RALGPS1: variants seen among roughly 807,000 people sequenced by gnomAD.
RALGPS1 encodes the protein Ral GEF with PH domain and SH3 binding motif 1, also known as ras-specific guanine nucleotide-releasing factor RalGPS1.
RALGPS1 carries 19 observed loss-of-function variants against 78.8 expected under a neutral mutation model. The ratio of observed to expected loss-of-function variants is 0.24; its 90% CI spans 0.17 to 0.35. The LOEUF (loss-of-function observed/expected upper bound fraction) is 0.35. Among genes scored for constraint, RALGPS1 ranks in the 10% least tolerant of loss-of-function variants. The probability of loss-of-function intolerance (pLI) is 1.00; values close to 1 mark genes in which losing one functional copy is unlikely to be tolerated. For missense variants in RALGPS1, 454 were observed against 688.3 expected (o/e 0.66, Z 3.81); for synonymous variants, 228 against 256.3 (o/e 0.89, Z 1.06).
intron 7 of RALGPS1, among the ~76,000 whole-genome samples, chr9:127,055,777 C>G (rs560344349): frequency 1.1e-4 from 17 of 152,274 alleles, no homozygotes; most frequent in African/African-American, 4.1e-4. Flanking sequence ...AGAGAGGGGT[C>G]TTATTTTTTT....
At chr9:127,177,551 C>A (rs2059951466) in intron 11 of RALGPS1, among the ~76,000 whole-genome samples, 1 of 150,960 alleles carries the variant, frequency 6.6e-6, no homozygotes. Context: ...GGCCCTGCCT[C>A]AGCCTCAGCC....
chr9:127,187,124 A>T (rs2060702023), intron 11 of RALGPS1, among the ~76,000 whole-genome samples: 1 of 152,214 alleles, frequency 6.6e-6, no homozygotes, highest in African/African-American at 2.4e-5. Flanking sequence ...AATGGCGATG[A>T]TAAAAGTTAC....
At chr9:127,005,318 A>G (rs1252446276) in intron 4 of RALGPS1, among the ~76,000 whole-genome samples, 1 of 152,236 alleles carries the variant, frequency 6.6e-6, no homozygotes, top group Non-Finnish European at 1.5e-5. Context: ...AATGGCAAAC[A>G]GTTCCTTTGC....
intron 8 of RALGPS1, among the ~76,000 whole-genome samples, chr9:127,113,249 G>A (rs1047564539): frequency 2.0e-5 from 3 of 152,140 alleles, no homozygotes; most frequent in Non-Finnish European, 2.9e-5. Flanking sequence ...AGGAACACAC[G>A]GCAGATAACA....
intron 14 of RALGPS1, among the ~76,000 whole-genome samples, chr9:127,203,084 A>T (rs2061731222): frequency 6.6e-6 from 1 of 152,230 alleles, no homozygotes; most frequent in South Asian, 2.1e-4. Context: ...AAGTGTTGGC[A>T]CTAAGATGAA....
At chr9:127,026,573 CCTTTT>C (rs1354005110) in intron 4 of RALGPS1, among the ~76,000 whole-genome samples, 6 of 151,428 alleles carry the variant, frequency 4.0e-5, no homozygotes, top group Non-Finnish European at 1.5e-5. Flanking sequence ...TGTTGCATTT[CCTTTT>C]CTTAACAGTG....
intron 3 of RALGPS1, among the ~76,000 whole-genome samples, chr9:126,966,679 T>C (rs372709633): frequency 6.6e-6 from 1 of 152,176 alleles, no homozygotes; most frequent in Non-Finnish European, 1.5e-5. Context: ...TTCCAGGTAA[T>C]TGGAATTTAA....
At chr9:126,977,029 A>G (rs987601771) in intron 3 of RALGPS1, among the ~76,000 whole-genome samples, 1 of 152,234 alleles carries the variant, frequency 6.6e-6, no homozygotes, top group African/African-American at 2.4e-5. Flanking sequence ...CAATAATTTG[A>G]GGACAGATAC....
chr9:127,103,614 G>A (rs2053942438), intron 8 of RALGPS1, among the ~76,000 whole-genome samples: 2 of 152,206 alleles, frequency 1.3e-5, no homozygotes, highest in South Asian at 2.1e-4. Flanking sequence ...CTACTGGGGA[G>A]CTTGGCTGGT....
intron 9 of RALGPS1, among the ~76,000 whole-genome samples, chr9:127,167,959 A>G (rs73595460): frequency 0.017 from 2,565 of 152,306 alleles, 87 homozygotes; most frequent in African/African-American, 0.058. Context: ...GAAGCCTTCC[A>G]TCACCTGAAG....
Position 126,965,714 on chromosome 9 carries a change from C to G in RALGPS1, c.58-130C>G, listed in dbSNP as rs187420026. On this transcript the variant is annotated intron_variant, in intron 2 of 18. Transcript: ENST00000259351. ...ATGGTGCCTGGACTGGGGTAAAGCT[C>G]TAATCAATAGAAGCCATTTTTTATT... The G allele has an allele frequency of 1.3e-3, 865 of 664,056 alleles. 3 individuals carry two copies. Among genetic ancestry groups the G allele is most frequent in the South Asian group, 2.9e-3 (159 of 54,642 alleles). The allele number at this position is 664,056 out of a possible 1,614,324, so 41.1% of individuals were successfully genotyped here.
chr9:127,039,296 T>C (rs546275166), intron 5 of RALGPS1, among the ~76,000 whole-genome samples: 46 of 152,184 alleles, frequency 3.0e-4, no homozygotes, highest in African/African-American at 1.1e-3. Flanking sequence ...TGGAAATCAG[T>C]GTTTCAGAAA....
chr9:126,952,650 A>AGT (rs1486310137), intron 1 of RALGPS1, among the ~76,000 whole-genome samples: 1 of 71,142 alleles, frequency 1.4e-5, no homozygotes, highest in African/African-American at 3.1e-5. Flanking sequence ...AGAGAGAGAG[A>AGT]GAGAGAGTGT....
Position 127,219,258 on chromosome 9 carries a change from CGT to C in RALGPS1, c.*505_*506del, listed in dbSNP as rs142327423. 1,751 of 185,976 alleles carry C rather than the reference CGT, an allele frequency of 9.4e-3. 30 individuals are homozygous for C. Among genetic ancestry groups the C allele is most frequent in the African/African-American group, 0.028 (1,205 of 42,294 alleles). 11.5% of individuals were successfully genotyped at this position (185,976 alleles called of 1,614,324 possible). The stretch of plus-strand genomic sequence containing the variant: ...GCGTCCTCTGCGTGTGCGTGCTGTA[CGT>C]GTGTGTGTGTGTGTGAGCGAGTGTG... On this transcript the variant is annotated 3_prime_UTR_variant, in exon 19 of 19. Coordinates refer to ENST00000259351, the MANE Select transcript of RALGPS1 (RefSeq NM_014636.3). The surrounding 1 kb of genome is among the most constrained non-coding windows in gnomAD (Gnocchi z 5.0).
intron 1 of RALGPS1, among the ~76,000 whole-genome samples, chr9:126,927,362 C>G (rs2035379711): frequency 6.6e-6 from 1 of 152,060 alleles, no homozygotes; most frequent in African/African-American, 2.4e-5. Flanking sequence ...GAATGGGCAG[C>G]TAGGAAGAAA....
chr9:127,198,277 C>G (rs1267515479), intron 13 of RALGPS1, among the ~76,000 whole-genome samples: 3 of 152,178 alleles, frequency 2.0e-5, no homozygotes, highest in Admixed American at 1.3e-4. Flanking sequence ...GGGATCTCCT[C>G]CCTCCCCCTT....
intron 8 of RALGPS1, among the ~76,000 whole-genome samples, chr9:127,089,399 A>G (rs1486873463): frequency 6.6e-6 from 1 of 152,196 alleles, no homozygotes; most frequent in African/African-American, 2.4e-5. Flanking sequence ...GTAAAATGAG[A>G]ATAAAAATGA....
At chr9:127,042,548 C>T (rs2047408922) in intron 5 of RALGPS1, among the ~76,000 whole-genome samples, 1 of 152,122 alleles carries the variant, frequency 6.6e-6, no homozygotes, top group Admixed American at 6.5e-5. Flanking sequence ...TACAAAAGTC[C>T]TTCAGCCAAC....
intron 1 of RALGPS1, among the ~76,000 whole-genome samples, chr9:126,955,916 C>T (rs1428826912): frequency 6.6e-6 from 1 of 152,222 alleles, no homozygotes; most frequent in Non-Finnish European, 1.5e-5. Flanking sequence ...TGGAAGTCTA[C>T]TCTAACTGCC....
Sources: allele counts gnomAD v4.1 joint callset (sites outside exome capture counted in the v4.1 genomes callset), GRCh38; gene constraint gnomAD v4.1.1; non-coding constraint Gnocchi (gnomAD v3.1); transcripts MANE v1.5; gene names NCBI Gene and HGNC (gene_info 2026-07-23, HGNC 2026-07-21).